EPHB2: variants seen among roughly 807,000 people sequenced by gnomAD.
EPHB2 encodes the protein EPH receptor B2, also known as ephrin type-B receptor 2.
In EPHB2, 18 loss-of-function variants were observed where a neutral mutation model predicts 96.4. That is an observed-to-expected ratio of 0.19 (90% CI 0.13 to 0.28). EPHB2 has a LOEUF of 0.28. Among genes scored for constraint, EPHB2 ranks in the 10% least tolerant of loss-of-function variants. The pLI, the probability that EPHB2 is intolerant of heterozygous loss-of-function variation, is 1.00. For missense variants in EPHB2, 989 were observed against 1,355.4 expected (o/e 0.73, Z 4.25); for synonymous variants, 506 against 534.1 (o/e 0.95, Z 0.72).
At chr1:22,734,863 T>A (rs1643792917) in intron 1 of EPHB2, among the ~76,000 whole-genome samples, 1 of 152,236 alleles carries the variant, frequency 6.6e-6, no homozygotes, top group Non-Finnish European at 1.5e-5. Context: ...TCAGGGGACT[T>A]ACAGATTACA....
chr1:22,884,747 T>G (rs915308903), intron 6 of EPHB2, among the ~76,000 whole-genome samples: 4 of 151,696 alleles, frequency 2.6e-5, no homozygotes, highest in Non-Finnish European at 5.9e-5. Flanking sequence ...CAGGTCTGAC[T>G]CAACCTTCCA....
chr1:22,850,829 G>A (rs970690757), intron 3 of EPHB2, among the ~76,000 whole-genome samples: 4 of 152,318 alleles, frequency 2.6e-5, no homozygotes, highest in African/African-American at 4.8e-5. Context: ...GAGAAACGGC[G>A]CATGCACAGG....
At chr1:22,754,904 TGAGGC>T (rs1327296529) in intron 1 of EPHB2, among the ~76,000 whole-genome samples, 8 of 75,156 alleles carry the variant, frequency 1.1e-4, no homozygotes, top group African/African-American at 2.8e-4. Context: ...GCAGAGGAGG[TGAGGC>T]GAGGGGCAGG....
At chr1:22,724,236 ATG>A (rs143080293) in intron 1 of EPHB2, among the ~76,000 whole-genome samples, 14 of 151,154 alleles carry the variant, frequency 9.3e-5, no homozygotes, top group East Asian at 1.9e-4. Context: ...TCCCCCTTGC[ATG>A]TGTGTGTGTG....
In EPHB2 at chr1:22,858,395, T is replaced by G. The variant is rs550268222; in HGVS notation, c.812-4642T>G. 1.3e-5 allele frequency among the ~76,000 whole-genome samples: 2 copies of G among 152,174 alleles called. No homozygotes were observed. Among genetic ancestry groups the G allele is most frequent in the African/African-American group, 4.8e-5 (2 of 41,426 alleles). On this transcript the variant is annotated intron_variant, in intron 3 of 15. Coordinates refer to ENST00000374630, the MANE Select transcript of EPHB2 (RefSeq NM_017449.5). The surrounding 1 kb of genome is among the most constrained non-coding windows in gnomAD (Gnocchi z 7.7). ...ATTTTAAACAGATCACTCCAGGGAC[T>G]GTGGAAGATTGGCAGAGAGGCCACA...
chr1:22,788,496 A>G (rs537191099), intron 3 of EPHB2, among the ~76,000 whole-genome samples: 3 of 152,244 alleles, frequency 2.0e-5, no homozygotes, highest in Admixed American at 6.5e-5. Flanking sequence ...CCCCATAGGC[A>G]CTGGCCCTGC....
intron 6 of EPHB2, among the ~76,000 whole-genome samples, chr1:22,883,232 C>T (rs1381755050): frequency 6.6e-6 from 1 of 152,252 alleles, no homozygotes; most frequent in African/African-American, 2.4e-5. Context: ...CAGAATGGGA[C>T]CTGGCCCTCA....
rs1160642451 is a variant in EPHB2, at chr1:22,717,245, G to A, written c.61+6202G>A. Among the ~76,000 whole-genome samples the A allele has an allele frequency of 2.1e-5, 3 of 140,878 alleles. No individual in the cohort carries two copies. The East Asian group carries it at 5.8e-4, about 27-fold the overall frequency. The allele number at this position is 140,878 out of a possible 152,430, so 92.4% of individuals were successfully genotyped here. A position where few individuals can be genotyped will look rare whatever the true frequency, so the allele number is the denominator to read the frequency against. ...TTGCACAGCTCCCAGGGGTGGGGCA[G>A]CAGGCCAGGCAGTTGTTGATTGTGG... is the stretch of plus-strand genomic sequence containing the variant. On this transcript the variant is annotated intron_variant, in intron 1 of 15. Coordinates refer to ENST00000374630, the MANE Select transcript of EPHB2 (RefSeq NM_017449.5).
chr1:22,717,170 C>G (rs937963026), intron 1 of EPHB2, among the ~76,000 whole-genome samples: 2 of 152,144 alleles, frequency 1.3e-5, no homozygotes, highest in Non-Finnish European at 1.5e-5. Context: ...GCCGCTGGCT[C>G]GTGCATAAAA....
At chr1:22,797,532 A>G (rs1644784599) in intron 3 of EPHB2, among the ~76,000 whole-genome samples, 1 of 151,776 alleles carries the variant, frequency 6.6e-6, no homozygotes, top group Non-Finnish European at 1.5e-5. Flanking sequence ...TCTCTCCCTG[A>G]TGACTCCACC....
chr1:22,882,138 G>C (rs1639065812), intron 5 of EPHB2, among the ~76,000 whole-genome samples: 1 of 152,150 alleles, frequency 6.6e-6, no homozygotes, highest in Non-Finnish European at 1.5e-5. Context: ...GTCAGTGTCT[G>C]ACCTGAAGGT....
chr1:22,915,554 CAG>C lies in EPHB2; in HGVS notation c.*1985_*1986del. On this transcript the variant is annotated 3_prime_UTR_variant, in exon 16 of 16. Transcript: ENST00000374630. The stretch of plus-strand genomic sequence containing the variant: ...AGTGAGTTGGAAGTGGCTCAGAACT[CAG>C]CCTTCGATGCCCTGGGAATCAGGGT... 1 of 152,200 alleles carries C rather than the reference CAG, an allele frequency of 6.6e-6. No homozygotes were observed. Among genetic ancestry groups the C allele is most frequent in the Non-Finnish European group, 1.5e-5 (1 of 68,060 alleles). 9.4% of individuals were successfully genotyped at this position (152,200 alleles called of 1,614,324 possible). A position where few individuals can be genotyped will look rare whatever the true frequency, so the allele number is the denominator to read the frequency against.
intron 1 of EPHB2, chr1:22,775,221 C>G: frequency 1.3e-6 from 1 of 779,796 alleles, no homozygotes; most frequent in Non-Finnish European, 2.4e-6. Context: ...CCAGTCCTAG[C>G]CCTGCCTGTG....
chr1:22,742,972 G>A (rs769926534), intron 1 of EPHB2, among the ~76,000 whole-genome samples: 10 of 151,040 alleles, frequency 6.6e-5, no homozygotes, highest in Non-Finnish European at 1.3e-4. Flanking sequence ...GCTCACTGCA[G>A]CCTCAACTTC....
At chr1:22,848,878 A>G (rs1160013005) in intron 3 of EPHB2, among the ~76,000 whole-genome samples, 1 of 152,120 alleles carries the variant, frequency 6.6e-6, no homozygotes, top group East Asian at 1.9e-4. Flanking sequence ...CAAGGCAGGG[A>G]GAGAGAGGCA....
At chr1:22,748,046 A>C (rs1207362022) in intron 1 of EPHB2, among the ~76,000 whole-genome samples, 1 of 152,212 alleles carries the variant, frequency 6.6e-6, no homozygotes, top group African/African-American at 2.4e-5. Flanking sequence ...CCTAGTTCAC[A>C]TCCTGGCTCA....
chr1:22,909,536 G>A (rs1004607374), intron 13 of EPHB2, among the ~76,000 whole-genome samples: 1 of 152,168 alleles, frequency 6.6e-6, no homozygotes, highest in African/African-American at 2.4e-5. Context: ...GAGCTTTTAC[G>A]ATCAGGTGCT....
At chr1:22,865,928 C>T (rs1047677501) in intron 5 of EPHB2, among the ~76,000 whole-genome samples, 1 of 152,164 alleles carries the variant, frequency 6.6e-6, no homozygotes, top group Non-Finnish European at 1.5e-5. Flanking sequence ...TCCTCCACCC[C>T]CCACCCTTCT....
At chr1:22,814,017 C>CA (rs1645038668) in intron 3 of EPHB2, among the ~76,000 whole-genome samples, 1 of 152,054 alleles carries the variant, frequency 6.6e-6, no homozygotes, top group African/African-American at 2.4e-5. Flanking sequence ...ACTGAAAATA[C>CA]AAAAATTAGT....
Sources: allele counts gnomAD v4.1 joint callset (sites outside exome capture counted in the v4.1 genomes callset), GRCh38; gene constraint gnomAD v4.1.1; non-coding constraint Gnocchi (gnomAD v3.1); transcripts MANE v1.5; gene names NCBI Gene and HGNC (gene_info 2026-07-23, HGNC 2026-07-21).